Variants in SMCHD1 observed in about 807,000 individuals in gnomAD.
SMCHD1 encodes structural maintenance of chromosomes flexible hinge domain-containing protein 1.
SMCHD1 carries 78 observed loss-of-function variants against 254.7 expected under a neutral mutation model. That is an observed-to-expected ratio of 0.31 (90% confidence interval 0.26 to 0.37). The LOEUF is 0.37. Among genes scored for constraint, SMCHD1 ranks in the 10% least tolerant of loss-of-function variants. The pLI, the probability that SMCHD1 is intolerant of heterozygous loss-of-function variation, is 1.00. For missense variants in SMCHD1, 1,840 were observed against 2,408.1 expected, an observed-to-expected ratio of 0.76 and a Z score of 4.94; for synonymous variants, 766 against 794.9, an observed-to-expected ratio of 0.96 and a Z score of 0.61.
intron 8 of SMCHD1, among the ~76,000 whole-genome samples, chr18:2,695,852 A>G (rs1355148115): frequency 6.6e-6 from 1 of 152,144 alleles, no homozygotes; most frequent in Non-Finnish European, 1.5e-5. Flanking sequence ...TGGTTTTAGG[A>G]ATACCTTTTT....
At chr18:2,667,340 A>G (rs915369810) in intron 3 of SMCHD1, among the ~76,000 whole-genome samples, 1 of 152,180 alleles carries the variant, frequency 6.6e-6, no homozygotes, top group Non-Finnish European at 1.5e-5. Context: ...AGCCTCCCAT[A>G]GACCTTTCCC....
rs116585230 is a variant in SMCHD1 at position 2,681,517 on chromosome 18, C to T, written c.639-6877C>T. On this transcript the variant is annotated intron_variant, in intron 5 of 47. Transcript: ENST00000320876. ...AGAGGATCGCTTGAGACTAGGAGGT[C>T]GAGGCCGCAGTAATCCATGATCACG... Among the ~76,000 whole-genome samples the T allele has an allele frequency of 4.3e-3, 617 of 143,654 alleles. 3 individuals are homozygous for T. Among genetic ancestry groups the T allele is most frequent in the African/African-American group, 0.015 (588 of 38,832 alleles). 94.2% of individuals were successfully genotyped at this position (143,654 alleles called of 152,430 possible). A position where few individuals can be genotyped will look rare whatever the true frequency, so the allele number is the denominator to read the frequency against.
intron 45 of SMCHD1, among the ~76,000 whole-genome samples, chr18:2,790,678 T>G (rs1347967714): frequency 1.3e-5 from 2 of 152,170 alleles, no homozygotes; most frequent in African/African-American, 4.8e-5. Flanking sequence ...AGAGAATTGC[T>G]TGAACCCAGG....
At chr18:2,674,722 C>G (rs1225438152) in intron 5 of SMCHD1, among the ~76,000 whole-genome samples, 1 of 152,116 alleles carries the variant, frequency 6.6e-6, no homozygotes, top group Non-Finnish European at 1.5e-5. Flanking sequence ...GAGCTTTGAC[C>G]CACAAGTCTT....
chr18:2,788,903 A>G (rs990673785), intron 45 of SMCHD1, among the ~76,000 whole-genome samples: 3 of 152,186 alleles, frequency 2.0e-5, no homozygotes, highest in Non-Finnish European at 4.4e-5. Context: ...GGCCAAATTA[A>G]TATTCTTTTA....
chr18:2,729,295 T>G lies in SMCHD1; in HGVS notation c.2934T>G (p.Leu978=). 3 of 1,516,378 alleles carry G rather than the reference T, an allele frequency of 2.0e-6. No individual in the cohort carries two copies. Among genetic ancestry groups the G allele is most frequent in the Non-Finnish European group, 2.6e-6 (3 of 1,134,858 alleles). The allele number at this position is 1,516,378 out of a possible 1,614,324, so 93.9% of individuals were successfully genotyped here. ...VHCKFSGAPN[L]PVYVVDCSSS... ...AATAGTTTTCAGGTGCTCCAAACCT[T>G]CCAGTCTATGTTGTAGATTGCAGTA... The change falls in exon 24 of 48, where the codon CTT becomes CTG. Residue 978 remains leucine, a synonymous_variant. Coordinates refer to ENST00000320876, the MANE Select transcript of SMCHD1 (RefSeq NM_015295.3).
chr18:2,777,925 A>G lies in SMCHD1; in HGVS notation c.5476+10A>G, dbSNP rs3213926. ...GAACATTGTGAAACAGGTAAAAGAC[A>G]TTATGGTGACTTTACTTTTGTACAG... is the stretch of plus-strand genomic sequence containing the variant. On this transcript the variant is annotated intron_variant, in intron 43 of 47. Coordinates refer to ENST00000320876, the MANE Select transcript of SMCHD1 (RefSeq NM_015295.3). The G allele has an allele frequency of 0.3, 441,881 of 1,465,200 alleles. 69,465 individuals carry two copies. The highest frequency in any genetic ancestry group is 0.47 in the East Asian group (19,122 of 40,284). The allele number at this position is 1,465,200 out of a possible 1,614,324, so 90.8% of individuals were successfully genotyped here.
chr18:2,769,620 G>A (rs2075937941), intron 37 of SMCHD1, 74 bp from the exon 38 acceptor site: 1 of 1,465,128 alleles, frequency 6.8e-7, no homozygotes, highest in Non-Finnish European at 9.3e-7. Context: ...AGCATAATGA[G>A]TTATGTAACA....
intron 45 of SMCHD1, among the ~76,000 whole-genome samples, chr18:2,794,674 A>G (rs928064902): frequency 6.6e-6 from 1 of 152,206 alleles, no homozygotes; most frequent in African/African-American, 2.4e-5. Flanking sequence ...GAATTTCAAA[A>G]TTTATTTTTA....
At chr18:2,683,633 A>C (rs541693022) in intron 5 of SMCHD1, among the ~76,000 whole-genome samples, 1 of 152,308 alleles carries the variant, frequency 6.6e-6, no homozygotes, top group Non-Finnish European at 1.5e-5. Context: ...GTTAGATTCT[A>C]CTGGTTGATG....
chr18:2,673,710 T>C (rs80111840), intron 4 of SMCHD1, among the ~76,000 whole-genome samples: 5 of 152,320 alleles, frequency 3.3e-5, no homozygotes, highest in Non-Finnish European at 5.9e-5. Flanking sequence ...ATTTTTTTTC[T>C]GTATTTTTGC....
chr18:2,704,383 G>A (rs2074468575), intron 13 of SMCHD1, among the ~76,000 whole-genome samples: 1 of 152,082 alleles, frequency 6.6e-6, no homozygotes, highest in Admixed American at 6.6e-5. Flanking sequence ...TGATTTTTAA[G>A]TATTTTTTTG....
intron 34 of SMCHD1, among the ~76,000 whole-genome samples, chr18:2,756,502 G>C (rs957449150): frequency 6.6e-6 from 1 of 152,138 alleles, no homozygotes; most frequent in Non-Finnish European, 1.5e-5. Flanking sequence ...TGGGGGGAAG[G>C]TTTTAGTGAT....
intron 44 of SMCHD1, among the ~76,000 whole-genome samples, chr18:2,780,857 G>T (rs1297710142): frequency 6.6e-6 from 1 of 152,172 alleles, no homozygotes; most frequent in Admixed American, 6.5e-5. Context: ...TGCACTGAGG[G>T]TTATACAGTG....
chr18:2,793,589 C>T (rs558459368), intron 45 of SMCHD1, among the ~76,000 whole-genome samples: 73 of 144,196 alleles, frequency 5.1e-4, no homozygotes, highest in African/African-American at 1.8e-3. Flanking sequence ...GGCGTGAACC[C>T]GGGAGGTGGA....
At position 2,747,508 on chromosome 18, in the gene SMCHD1, TC is replaced by T; in HGVS notation, c.3802-13del. 1 of 1,584,196 alleles carries T rather than the reference TC, an allele frequency of 6.3e-7. No individual in the cohort carries two copies. The highest frequency in any genetic ancestry group is 8.6e-7 in the Non-Finnish European group (1 of 1,162,488). On this transcript the variant is annotated splice_polypyrimidine_tract_variant and intron_variant, in intron 29 of 47. Transcript: ENST00000320876. ...ATATTTTAGTGTTTCTTAAAATATT[TC>T]TATTCTTTTCAGTCCATTCCAGTGA...
rs2076413962 is a variant in SMCHD1, at chr18:2,804,541, A to C, written c.*1989A>C. 2.5e-4 allele frequency: 1 copy of C among 3,946 alleles called. No homozygotes were observed. Among genetic ancestry groups the C allele is most frequent in the African/African-American group, 2.7e-4 (1 of 3,692 alleles). The allele number at this position is 3,946 out of a possible 1,614,324, so 0.2% of individuals were successfully genotyped here. On this transcript the variant is annotated 3_prime_UTR_variant, in exon 48 of 48. Transcript: ENST00000320876. ...CCAGAAAGAATGTTCTATCAGTAAAAGAAGGTTTTTAAGTATGAATCTCCA... is the reference window on the plus strand; with the variant it reads ...CCAGAAAGAATGTTCTATCAGTAAACGAAGGTTTTTAAGTATGAATCTCCA...
intron 29 of SMCHD1, 150 bp from the exon 30 acceptor site, chr18:2,747,372 T>A: frequency 1.7e-6 from 1 of 588,788 alleles, no homozygotes; most frequent in Non-Finnish European, 2.7e-6. Flanking sequence ...ACAATTTAGT[T>A]GGCTTTCAAA....
At chr18:2,785,578 G>A (rs568041973) in intron 45 of SMCHD1, among the ~76,000 whole-genome samples, 2 of 149,972 alleles carry the variant, frequency 1.3e-5, no homozygotes, top group East Asian at 2.0e-4. Flanking sequence ...TTTGAACCCA[G>A]GAGGTGGAGG....
Sources: gnomAD v4.1 joint callset for allele counts (sites outside exome capture counted in the v4.1 genomes callset) on GRCh38, gnomAD v4.1.1 for gene constraint, MANE v1.5 for transcripts, NCBI Gene and HGNC (gene_info 2026-07-23, HGNC 2026-07-21) for gene names.